Variants in ZC2HC1B observed in about 807,000 individuals in gnomAD.
ZC2HC1B encodes zinc finger C2HC-type containing 1B, also known as zinc finger C2HC domain-containing protein 1B.
A neutral mutation model predicts 31.0 loss-of-function variants in ZC2HC1B; 36 were observed. The ratio of observed to expected loss-of-function variants is 1.16; its 90% CI spans 0.89 to 1.54. The LOEUF (loss-of-function observed/expected upper bound fraction) is 1.54, where lower values mean the gene tolerates loss of function less well. Ranked by LOEUF, ZC2HC1B falls within the 40% of genes most tolerant of loss-of-function variation. The pLI, the probability that ZC2HC1B is intolerant of heterozygous loss-of-function variation, is 0.00. For missense variants in ZC2HC1B, 260 were observed against 268.6 expected (o/e 0.97, Z 0.22); for synonymous variants, 73 against 88.0 (o/e 0.83, Z 0.95).
chr6:143,926,492 G>A lies in ZC2HC1B; in HGVS notation c.599-11157G>A, dbSNP rs200220561. Among the ~76,000 whole-genome samples, 3 of 127,850 alleles carry A rather than the reference G, an allele frequency of 2.3e-5. No individual in the cohort carries two copies. The Admixed American group carries it at 2.4e-4, about 10-fold the overall frequency. The allele number at this position is 127,850 out of a possible 152,430, so 83.9% of individuals were successfully genotyped here. A position where few individuals can be genotyped will look rare whatever the true frequency, so the allele number is the denominator to read the frequency against. ...TCTGAAAGGTATTTGATATGATTTTGATTTTTTTTTTAAATTTAGACTTGC... is the reference window on the plus strand; with the variant it reads ...TCTGAAAGGTATTTGATATGATTTTAATTTTTTTTTTAAATTTAGACTTGC... On this transcript the variant is annotated intron_variant, in intron 6 of 7. Transcript: ENST00000237275.
At chr6:143,874,625 G>A (rs1777385084) in intron 1 of ZC2HC1B, among the ~76,000 whole-genome samples, 1 of 152,130 alleles carries the variant, frequency 6.6e-6, no homozygotes, top group Non-Finnish European at 1.5e-5. Flanking sequence ...TGAGGAAGAA[G>A]CAAAAGTGGA....
chr6:143,888,107 G>GT (rs1035024904), intron 4 of ZC2HC1B, among the ~76,000 whole-genome samples: 3 of 151,754 alleles, frequency 2.0e-5, no homozygotes, highest in African/African-American at 7.3e-5. Context: ...TTCCAACATC[G>GT]TTTTTTTGCA....
intron 1 of ZC2HC1B, among the ~76,000 whole-genome samples, chr6:143,866,369 G>A (rs150206478): frequency 6.6e-5 from 10 of 152,232 alleles, no homozygotes; most frequent in African/African-American, 1.9e-4. Context: ...AATACAGCAC[G>A]CTGTAGAGTT....
Position 143,911,322 on chromosome 6 carries a change from G to A in ZC2HC1B, c.598+8170G>A, listed in dbSNP as rs1777853354. 6.6e-6 allele frequency among the ~76,000 whole-genome samples: 1 copy of A among 152,174 alleles called. No individual in the cohort carries two copies. Among genetic ancestry groups the A allele is most frequent in the South Asian group, 2.1e-4 (1 of 4,828 alleles). Reference sequence around the variant, plus strand: ...TGTGTGAATTAGATCCTGTCATCATGATGCTAGTTAGTTATTTTGTAGACT... The same window carrying A: ...TGTGTGAATTAGATCCTGTCATCATAATGCTAGTTAGTTATTTTGTAGACT... On this transcript the variant is annotated intron_variant, in intron 6 of 7. Transcript: ENST00000237275. The surrounding 1 kb of genome is among the most constrained non-coding windows in gnomAD (Gnocchi z 4.5).
At chr6:143,906,747 C>G (rs950225149) in intron 6 of ZC2HC1B, among the ~76,000 whole-genome samples, 1 of 146,692 alleles carries the variant, frequency 6.8e-6, no homozygotes, top group Non-Finnish European at 1.5e-5. Flanking sequence ...CCCAGCCCCT[C>G]TTTTTTTTTT....
chr6:143,878,679 C>CA (rs1359999183), intron 1 of ZC2HC1B, among the ~76,000 whole-genome samples: 1 of 151,820 alleles, frequency 6.6e-6, no homozygotes, highest in African/African-American at 2.4e-5. Context: ...CAGAAACATG[C>CA]ATAAAACAAG....
intron 6 of ZC2HC1B, among the ~76,000 whole-genome samples, chr6:143,931,295 A>G (rs1440788217): frequency 6.6e-6 from 1 of 152,160 alleles, no homozygotes; most frequent in South Asian, 2.1e-4. Context: ...CATTTAGGCC[A>G]TTTACATTCA....
At position 143,916,267 on chromosome 6, in the gene ZC2HC1B, A is replaced by G. The variant is rs537753736; in HGVS notation, c.598+13115A>G. Among the ~76,000 whole-genome samples, 168 of 152,334 alleles carry G rather than the reference A, an allele frequency of 1.1e-3. 2 individuals are homozygous for G. The highest frequency in any genetic ancestry group is 3.7e-3 in the African/African-American group (152 of 41,570). ...GGTGTTGAGCCTGTGGGTGCACAGAAGTCAAGAACTGAGGTTTGGGAACCT... is the reference window on the plus strand; with the variant it reads ...GGTGTTGAGCCTGTGGGTGCACAGAGGTCAAGAACTGAGGTTTGGGAACCT... On this transcript the variant is annotated intron_variant, in intron 6 of 7. Transcript: ENST00000237275.
chr6:143,933,112 G>T lies in ZC2HC1B; in HGVS notation c.599-4537G>T, dbSNP rs1778141083. Among the ~76,000 whole-genome samples the T allele has an allele frequency of 6.6e-6, 1 of 152,208 alleles. No homozygotes were observed. Among genetic ancestry groups the T allele is most frequent in the African/African-American group, 2.4e-5 (1 of 41,452 alleles). On this transcript the variant is annotated intron_variant, in intron 6 of 7. Coordinates refer to ENST00000237275, the MANE Select transcript of ZC2HC1B (RefSeq NM_001013623.3). The surrounding 1 kb of genome is among the most constrained non-coding windows in gnomAD (Gnocchi z 6.4). ...ATATGTTTACTGTGTTGTCTTTCTT[G>T]AATGCTGGTTATGCTAGCAGCGAAG...
rs189978473 is a variant in ZC2HC1B, at chr6:143,932,095, G to A, written c.599-5554G>A. 5.0e-3 allele frequency among the ~76,000 whole-genome samples: 753 copies of A among 152,034 alleles called. 5 individuals carry two copies. The highest frequency in any genetic ancestry group is 0.016 in the African/African-American group (649 of 41,468). ...TCACCATGTTAGCCAGGCTGGTCTC[G>A]AACTCCTGACCTCAGGTGATCCTCA... is the stretch of plus-strand genomic sequence containing the variant. On this transcript the variant is annotated intron_variant, in intron 6 of 7. Coordinates refer to ENST00000237275, the MANE Select transcript of ZC2HC1B (RefSeq NM_001013623.3).
chr6:143,902,528 C>A (rs917104096), intron 5 of ZC2HC1B, among the ~76,000 whole-genome samples: 2 of 152,030 alleles, frequency 1.3e-5, no homozygotes, highest in African/African-American at 4.8e-5. Context: ...ATGTGAGAAA[C>A]CTTTTGGTCC....
intron 5 of ZC2HC1B, among the ~76,000 whole-genome samples, chr6:143,901,802 G>A (rs746114235): frequency 7.9e-5 from 12 of 152,096 alleles, no homozygotes; most frequent in Non-Finnish European, 1.8e-4. Context: ...CGATTGGCAT[G>A]ACACTTTTGG....
intron 1 of ZC2HC1B, among the ~76,000 whole-genome samples, chr6:143,875,338 AC>A (rs1777392894): frequency 7.3e-6 from 1 of 136,962 alleles, no homozygotes; most frequent in African/African-American, 2.7e-5. Flanking sequence ...AATCCACTCC[AC>A]CATCATTATG....
In ZC2HC1B at chr6:143,883,615, C is replaced by A. The variant is rs1777495725; in HGVS notation, c.29-689C>A. ...CTTTACATATTTGACTCCTGATGAA[C>A]CAAAAGGAAGTAATACAAAAAACCT... On this transcript the variant is annotated intron_variant, in intron 1 of 7. Transcript: ENST00000237275. The surrounding 1 kb of genome is among the most constrained non-coding windows in gnomAD (Gnocchi z 4.1). 6.6e-6 allele frequency among the ~76,000 whole-genome samples: 1 copy of A among 152,130 alleles called. No individual in the cohort carries two copies. Among genetic ancestry groups the A allele is most frequent in the African/African-American group, 2.4e-5 (1 of 41,426 alleles).
Position 143,923,121 on chromosome 6 carries a change from T to C in ZC2HC1B, c.599-14528T>C, listed in dbSNP as rs776992092. 1.3e-5 allele frequency among the ~76,000 whole-genome samples: 2 copies of C among 152,198 alleles called. No homozygotes were observed. Among genetic ancestry groups the C allele is most frequent in the Admixed American group, 6.5e-5 (1 of 15,282 alleles). ...CCCTGATAATTAATTATGTTGAACA[T>C]TTTTTCCATATACCTGTTGTCCATT... On this transcript the variant is annotated intron_variant, in intron 6 of 7. Coordinates refer to ENST00000237275, the MANE Select transcript of ZC2HC1B (RefSeq NM_001013623.3). The surrounding 1 kb of genome is among the most constrained non-coding windows in gnomAD (Gnocchi z 4.8).
chr6:143,883,596 A>G lies in ZC2HC1B; in HGVS notation c.29-708A>G, dbSNP rs1777495258. Among the ~76,000 whole-genome samples the G allele has an allele frequency of 1.3e-5, 2 of 152,208 alleles. No individual in the cohort carries two copies. Among genetic ancestry groups the G allele is most frequent in the South Asian group, 2.1e-4 (1 of 4,832 alleles). ...ATAGAAGTGCTTTTTAAATCTTTAC[A>G]TATTTGACTCCTGATGAACCAAAAG... is the stretch of plus-strand genomic sequence containing the variant. On this transcript the variant is annotated intron_variant, in intron 1 of 7. Transcript: ENST00000237275. The surrounding 1 kb of genome is among the most constrained non-coding windows in gnomAD (Gnocchi z 4.1).
Position 143,903,550 on chromosome 6 carries a change from G to A in ZC2HC1B, c.598+398G>A, listed in dbSNP as rs1182204526. On this transcript the variant is annotated intron_variant, in intron 6 of 7. Coordinates refer to ENST00000237275, the MANE Select transcript of ZC2HC1B (RefSeq NM_001013623.3). The surrounding 1 kb of genome is among the most constrained non-coding windows in gnomAD (Gnocchi z 4.3). ...GGGGCTATGTCCTGATAAGCCCATT[G>A]TAAATAGAAATATTATAAGTCAAAA... Among the ~76,000 whole-genome samples the A allele has an allele frequency of 6.6e-6, 1 of 152,168 alleles. No individual in the cohort carries two copies. Among genetic ancestry groups the A allele is most frequent in the Non-Finnish European group, 1.5e-5 (1 of 68,024 alleles).
Position 143,898,404 on chromosome 6 carries a change from A to G in ZC2HC1B, c.350-148A>G. ...TCAAACTCCTGGACTCAAGCAGTCC[A>G]CTCACCTCAGCCTCACAGAGTGCTG... On this transcript the variant is annotated intron_variant, in intron 4 of 7. Coordinates refer to ENST00000237275, the MANE Select transcript of ZC2HC1B (RefSeq NM_001013623.3). The G allele has an allele frequency of 2.9e-6, 3 of 1,028,018 alleles. No individual in the cohort carries two copies. In the South Asian group the frequency reaches 5.1e-5, roughly 18 times the overall value. The allele number at this position is 1,028,018 out of a possible 1,614,324, so 63.7% of individuals were successfully genotyped here.
chr6:143,903,002 A>G lies in ZC2HC1B; in HGVS notation c.490-42A>G, dbSNP rs1777753979. On this transcript the variant is annotated intron_variant, in intron 5 of 7. Coordinates refer to ENST00000237275, the MANE Select transcript of ZC2HC1B (RefSeq NM_001013623.3). This position sits in a 1 kb window ranked among gnomAD's most constrained non-coding sequence, Gnocchi z 4.3. Reference sequence around the variant, plus strand: ...TCCTATGTGGCACCTGAGGTTACATACAGAAGGTGTTCTCTTTGTCTCTTT... The same window carrying G: ...TCCTATGTGGCACCTGAGGTTACATGCAGAAGGTGTTCTCTTTGTCTCTTT... The G allele has an allele frequency of 6.5e-7, 1 of 1,541,028 alleles. No homozygotes were observed. The highest frequency in any genetic ancestry group is 8.8e-7 in the Non-Finnish European group (1 of 1,138,046).
Sources: allele counts gnomAD v4.1 joint callset (sites outside exome capture counted in the v4.1 genomes callset), GRCh38; gene constraint gnomAD v4.1.1; non-coding constraint Gnocchi (gnomAD v3.1); transcripts MANE v1.5; gene names NCBI Gene and HGNC (gene_info 2026-07-23, HGNC 2026-07-21).